ANO1: variants seen among roughly 807,000 people sequenced by gnomAD.
ANO1 encodes the protein anoctamin 1.
A neutral mutation model predicts 124.0 loss-of-function variants in ANO1; 59 were observed. The ratio of observed to expected loss-of-function variants is 0.48; its 90% CI spans 0.39 to 0.59. The LOEUF (loss-of-function observed/expected upper bound fraction) is 0.59. Ranked by LOEUF, ANO1 falls within the 20% of genes least tolerant of loss-of-function variation. The pLI is 0.00. For synonymous variants in ANO1, 529 were observed against 532.0 expected (o/e 0.99, Z 0.08); for missense variants, 1,059 against 1,328.0 (o/e 0.80, Z 3.15).
At chr11:70,011,886 C>T (rs1279400571) in intron 1 of ANO1, among the ~76,000 whole-genome samples, 1 of 152,196 alleles carries the variant, frequency 6.6e-6, no homozygotes, top group Non-Finnish European at 1.5e-5. Flanking sequence ...TGATAGCCAC[C>T]AATCCAGCCA....
chr11:70,061,643 T>A (rs922945943), intron 1 of ANO1, among the ~76,000 whole-genome samples: 1 of 152,142 alleles, frequency 6.6e-6, no homozygotes, highest in Non-Finnish European at 1.5e-5. Context: ...GCAGCTGAGT[T>A]TCTCTGTTTG....
In ANO1 at chr11:70,180,048, A is replaced by T. The variant is rs1372687332; in HGVS notation, c.2395A>T (p.Ile799Phe). Residue 799 changes from isoleucine to phenylalanine, a missense_variant, in exon 23 of 26, where the codon ATC (isoleucine) becomes TTC (phenylalanine). By Grantham distance (21) the Ile-to-Phe change is conservative (BLOSUM62 0). This residue lies in a region of ANO1 where 809 missense variants were observed against 1,094.9 expected (regional missense o/e 0.74). Transcript: ENST00000355303. ...ILRGIGKLAV[I>F]INAFVISFTS... The stretch of plus-strand genomic sequence containing the variant: ...CAGAGGCATTGGGAAGCTTGCTGTC[A>T]TCATCAATGTAAGTGACATCAGGGA... The T allele has an allele frequency of 1.2e-6, 2 of 1,612,934 alleles. No homozygotes were observed. Among genetic ancestry groups the T allele is most frequent in the Non-Finnish European group, 1.7e-6 (2 of 1,179,000 alleles).
Position 70,185,617 on chromosome 11 carries a change from G to T in ANO1, c.2616G>T (p.Trp872Cys), listed in dbSNP as rs758663771. Residue 872 changes from tryptophan to cysteine, a missense_variant, in exon 25 of 26, where the codon TGG becomes TGT. Coordinates refer to ENST00000355303, the MANE Select transcript of ANO1 (RefSeq NM_018043.7). ...CRYKDYREPP[W>C]SENKYDISKD... ...ATAAAGACTACCGAGAGCCGCCGTG[G>T]TCGGAAAACAAGTACGACATCTCCA... 1 of 1,613,754 alleles carries T rather than the reference G, an allele frequency of 6.2e-7. No individual in the cohort carries two copies.
chr11:70,159,698 C>T (rs968669024), intron 16 of ANO1, among the ~76,000 whole-genome samples: 3 of 152,158 alleles, frequency 2.0e-5, no homozygotes, highest in East Asian at 1.9e-4. Context: ...GCAGGGGACG[C>T]GCCCGCTGGG....
At chr11:70,076,749 G>A (rs776715745), upstream of ANO1, among the ~76,000 whole-genome samples, 20 of 152,184 alleles carry the variant, frequency 1.3e-4, no homozygotes, top group Non-Finnish European at 2.4e-4. Flanking sequence ...CTCAGTGCCC[G>A]TTGGCACCAC....
At chr11:70,080,790 G>T (rs924678098) in intron 1 of ANO1, among the ~76,000 whole-genome samples, 1 of 152,228 alleles carries the variant, frequency 6.6e-6, no homozygotes, top group Non-Finnish European at 1.5e-5. Flanking sequence ...GGCGCGCGCT[G>T]TGGGAGGCAG....
chr11:70,033,548 A>C (rs1183196956), intron 1 of ANO1, among the ~76,000 whole-genome samples: 2 of 152,056 alleles, frequency 1.3e-5, no homozygotes, highest in Non-Finnish European at 2.9e-5. Flanking sequence ...GAGGACAGAG[A>C]ATAGCTTTCT....
At chr11:70,184,585 C>G (rs2049038397) in intron 24 of ANO1, among the ~76,000 whole-genome samples, 2 of 152,192 alleles carry the variant, frequency 1.3e-5, no homozygotes. Context: ...GAAAAGCAGC[C>G]CCAGACCCGG....
chr11:70,111,785 T>A, intron 7 of ANO1, 23 bp downstream of exon 7: 1 of 1,613,524 alleles, frequency 6.2e-7, no homozygotes, highest in Non-Finnish European at 8.5e-7. Flanking sequence ...GACACACGAT[T>A]TATCTCTGCG....
At chr11:70,116,685 G>A (rs1269842841) in intron 8 of ANO1, 186 bp downstream of exon 8, 1 of 579,430 alleles carries the variant, frequency 1.7e-6, no homozygotes, top group East Asian at 3.0e-5. Flanking sequence ...TGAGCTTTGT[G>A]TGGCTGGTTT....
At chr11:70,134,864 T>C (rs561451649) in intron 11 of ANO1, among the ~76,000 whole-genome samples, 189 of 152,266 alleles carry the variant, frequency 1.2e-3, no homozygotes, top group African/African-American at 4.3e-3. Flanking sequence ...TGCGGGGCTG[T>C]GGCAGGAGCT....
chr11:70,123,573 C>T (rs1170631566), intron 8 of ANO1, among the ~76,000 whole-genome samples: 1 of 152,146 alleles, frequency 6.6e-6, no homozygotes, highest in African/African-American at 2.4e-5. Context: ...GGGCTCTGAG[C>T]TGAGGAGGAG....
At position 70,163,230 on chromosome 11, in the gene ANO1, C is replaced by A. The variant is rs79628387; in HGVS notation, c.1893-53C>A. 669 of 1,586,732 alleles carry A rather than the reference C, an allele frequency of 4.2e-4. 1 individual carries two copies. In the African/African-American group the frequency reaches 8.4e-3, roughly 20 times the overall value. The stretch of plus-strand genomic sequence containing the variant: ...CAGTCCCCACTTGGGGGTCTCTCCC[C>A]GAGCTGAGCCAGGGGCTCATCTTTT... On this transcript the variant is annotated intron_variant, in intron 18 of 25. Coordinates refer to ENST00000355303, the MANE Select transcript of ANO1 (RefSeq NM_018043.7).
chr11:70,033,817 G>A (rs1479991601), intron 1 of ANO1, among the ~76,000 whole-genome samples: 1 of 152,182 alleles, frequency 6.6e-6, no homozygotes, highest in African/African-American at 2.4e-5. Context: ...ATTGCCAAGA[G>A]GCCAATACAG....
intron 1 of ANO1, chr11:69,986,283 C>G (rs77015142): frequency 0.067 from 10,181 of 152,394 alleles, 565 homozygotes; most frequent in African/African-American, 0.15. Flanking sequence ...GAGCAGGAGG[C>G]AGGGACCCCC....
intron 1 of ANO1, among the ~76,000 whole-genome samples, chr11:69,991,909 A>T (rs1327717460): frequency 6.6e-6 from 1 of 152,090 alleles, no homozygotes; most frequent in Admixed American, 6.6e-5. Context: ...TAGTGGGTCC[A>T]CCCCAATATC....
chr11:69,975,140 G>T, the ANO1 span, among the ~76,000 whole-genome samples: 6 of 152,268 alleles, frequency 3.9e-5, no homozygotes, highest in East Asian at 1.2e-3. Context: ...GCTCTCTCCG[G>T]GTCAGAGGCT....
intron 23 of ANO1, 29 bp downstream of exon 23, chr11:70,180,085 T>C: frequency 1.2e-6 from 2 of 1,603,068 alleles, no homozygotes; most frequent in Non-Finnish European, 1.7e-6. Context: ...CTTGGCAGAA[T>C]GGAAGTCCCG....
chr11:70,170,959 A>C lies in ANO1; in HGVS notation c.2270A>C (p.Asn757Thr). The C allele has an allele frequency of 6.2e-7, 1 of 1,613,374 alleles. No homozygotes were observed. Among genetic ancestry groups the C allele is most frequent in the Non-Finnish European group, 8.5e-7 (1 of 1,179,688 alleles). Residue 757 changes from asparagine (N) to threonine (T), a missense_variant, in exon 22 of 26, where the codon AAC (asparagine) becomes ACC (threonine). Physicochemically the swap from Asn to Thr is moderately conservative, Grantham distance 65 (BLOSUM62 0). Transcript: ENST00000355303. ...PLAPLFALLNNIIEIRLDAKK... is the reference protein window; with the variant it reads ...PLAPLFALLNTIIEIRLDAKK... ...GCCCCACTGTTTGCGCTGCTGAACA[A>C]CATCATCGAGATCCGCCTGGACGCC...
Sources: gnomAD v4.1 joint callset for allele counts (sites outside exome capture counted in the v4.1 genomes callset) on GRCh38, gnomAD v4.1.1 for gene constraint, gnomAD v4.1.1 regional missense constraint, MANE v1.5 for transcripts, NCBI Gene and HGNC (gene_info 2026-07-23, HGNC 2026-07-21) for gene names.